CDK14: variants seen among roughly 807,000 people sequenced by gnomAD.
The protein encoded by CDK14 is cyclin-dependent kinase 14.
A neutral mutation model predicts 60.7 loss-of-function variants in CDK14; 34 were observed. The ratio of observed to expected loss-of-function variants is 0.56; its 90% CI spans 0.43 to 0.75. The LOEUF (loss-of-function observed/expected upper bound fraction) is 0.75. Among genes scored for constraint, CDK14 ranks in the 30% least tolerant of loss-of-function variants. The probability of loss-of-function intolerance (pLI) is 0.00; values close to 1 mark genes in which losing one functional copy is unlikely to be tolerated. For missense variants in CDK14, 482 were observed against 564.1 expected (o/e 0.85, Z 1.47); for synonymous variants, 197 against 203.7 (o/e 0.97, Z 0.28).
chr7:91,039,249 G>C (rs1797017139), intron 10 of CDK14, among the ~76,000 whole-genome samples: 1 of 152,046 alleles, frequency 6.6e-6, no homozygotes, highest in South Asian at 2.1e-4. Context: ...CTGACTTTCT[G>C]TTTCACATGC....
chr7:91,081,053 G>A (rs575848324), intron 12 of CDK14, among the ~76,000 whole-genome samples: 1 of 152,132 alleles, frequency 6.6e-6, no homozygotes, highest in South Asian at 2.1e-4. Flanking sequence ...TTTGCCTTAA[G>A]GGTTTATTTC....
chr7:90,914,644 AT>A (rs1191031845), intron 7 of CDK14, among the ~76,000 whole-genome samples: 2 of 152,042 alleles, frequency 1.3e-5, no homozygotes, highest in Non-Finnish European at 2.9e-5. Context: ...GTATAGTGGC[AT>A]TTTTTTCTCT....
chr7:91,129,960 A>G (rs920069630), intron 14 of CDK14, among the ~76,000 whole-genome samples: 2 of 152,208 alleles, frequency 1.3e-5, no homozygotes, highest in South Asian at 2.1e-4. Context: ...AAATAAACCA[A>G]TAGATATTAA....
chr7:90,844,811 A>G (rs1296078997), intron 5 of CDK14, among the ~76,000 whole-genome samples: 3 of 152,206 alleles, frequency 2.0e-5, no homozygotes, highest in Admixed American at 6.6e-5. Context: ...GTTTAAACAA[A>G]TATACAAACA....
chr7:90,989,648 G>C (rs1188031512), intron 10 of CDK14, among the ~76,000 whole-genome samples: 1 of 152,126 alleles, frequency 6.6e-6, no homozygotes, highest in African/African-American at 2.4e-5. Context: ...AATAACGGTG[G>C]ATTCTATATT....
At chr7:90,828,197 T>C (rs2117100198) in intron 5 of CDK14, among the ~76,000 whole-genome samples, 1 of 152,312 alleles carries the variant, frequency 6.6e-6, no homozygotes, top group Middle Eastern at 3.4e-3. Flanking sequence ...CCAGAGTGAT[T>C]TATAGTTCTC....
At chr7:91,143,768 A>G (rs1045539082) in intron 14 of CDK14, among the ~76,000 whole-genome samples, 13 of 152,154 alleles carry the variant, frequency 8.5e-5, no homozygotes, top group African/African-American at 2.7e-4. Flanking sequence ...TGCTTACTGC[A>G]TGCTAGACAT....
intron 6 of CDK14, among the ~76,000 whole-genome samples, chr7:90,887,932 C>G (rs2117307678): frequency 6.6e-6 from 1 of 152,192 alleles, no homozygotes; most frequent in Non-Finnish European, 1.5e-5. Flanking sequence ...TTTTGTAATA[C>G]TTCACTTATT....
At chr7:90,645,181 C>T (rs1800437317) in intron 2 of CDK14, among the ~76,000 whole-genome samples, 1 of 152,118 alleles carries the variant, frequency 6.6e-6, no homozygotes, top group South Asian at 2.1e-4. Context: ...ATATATTTTA[C>T]ACATTATTGT....
At chr7:91,038,086 T>C (rs922093403) in intron 10 of CDK14, among the ~76,000 whole-genome samples, 2 of 152,076 alleles carry the variant, frequency 1.3e-5, no homozygotes, top group African/African-American at 4.8e-5. Context: ...TCCCCAGCCC[T>C]CTCCCTCAGT....
At chr7:90,904,566 A>G (rs1288208960) in intron 7 of CDK14, among the ~76,000 whole-genome samples, 1 of 152,122 alleles carries the variant, frequency 6.6e-6, no homozygotes, top group Non-Finnish European at 1.5e-5. Flanking sequence ...TAAACCAAAA[A>G]ATACAAAGAT....
rs10277395 is a variant in CDK14, at chr7:91,109,457, A to G, written c.1155-3085A>G. On this transcript the variant is annotated intron_variant, in intron 12 of 14. Transcript: ENST00000380050. ...TTAAGAGGAATTACCAATTACATGG[A>G]AATAGAATGCATAACTTCTAGAAGT... 6.6e-4 allele frequency among the ~76,000 whole-genome samples: 100 copies of G among 152,254 alleles called. 1 individual carries two copies. Among genetic ancestry groups the G allele is most frequent in the African/African-American group, 2.2e-3 (91 of 41,568 alleles).
At chr7:90,657,890 G>A (rs1800783078) in intron 2 of CDK14, among the ~76,000 whole-genome samples, 2 of 152,328 alleles carry the variant, frequency 1.3e-5, no homozygotes, top group Middle Eastern at 3.4e-3. Context: ...GGCCCAGTGA[G>A]CCTAGGTAAC....
At chr7:91,183,521 A>G (rs1009462861) in intron 14 of CDK14, among the ~76,000 whole-genome samples, 2 of 152,056 alleles carry the variant, frequency 1.3e-5, no homozygotes, top group South Asian at 2.1e-4. Flanking sequence ...TTATTCTCTC[A>G]TCTCATGCCA....
At chr7:90,929,310 A>G (rs1261857724) in intron 8 of CDK14, among the ~76,000 whole-genome samples, 1 of 152,166 alleles carries the variant, frequency 6.6e-6, no homozygotes, top group East Asian at 1.9e-4. Context: ...GGAGCTGCAG[A>G]CTGGAGCTGT....
intron 6 of CDK14, among the ~76,000 whole-genome samples, chr7:90,897,644 G>A (rs953738210): frequency 2.6e-5 from 4 of 152,008 alleles, no homozygotes; most frequent in Non-Finnish European, 5.9e-5. Context: ...ATTTAAGGAT[G>A]GGGAAGTTAA....
intron 10 of CDK14, among the ~76,000 whole-genome samples, chr7:91,035,808 T>C (rs1796910783): frequency 6.6e-6 from 1 of 151,958 alleles, no homozygotes; most frequent in Non-Finnish European, 1.5e-5. Context: ...CTGGCATGAC[T>C]TAGCTAGGCC....
chr7:90,792,647 T>C (rs1409607408), intron 5 of CDK14, among the ~76,000 whole-genome samples: 2 of 152,172 alleles, frequency 1.3e-5, no homozygotes, highest in African/African-American at 2.4e-5. Flanking sequence ...ACGTTCTGTC[T>C]CTCCACTGCC....
chr7:91,175,971 T>C (rs1340747582), intron 14 of CDK14, among the ~76,000 whole-genome samples: 1 of 152,028 alleles, frequency 6.6e-6, no homozygotes, highest in East Asian at 1.9e-4. Flanking sequence ...AATAGACATC[T>C]ACAGAACTCT....
Sources: allele counts gnomAD v4.1 joint callset (sites outside exome capture counted in the v4.1 genomes callset), GRCh38; gene constraint gnomAD v4.1.1; transcripts MANE v1.5; gene names NCBI Gene and HGNC (gene_info 2026-07-23, HGNC 2026-07-21).